ULK4: variants seen among roughly 807,000 people sequenced by gnomAD.
ULK4 encodes inactive serine/threonine-protein kinase ULK4.
In ULK4, 133 loss-of-function variants were observed where a neutral mutation model predicts 160.6. The observed-to-expected ratio is 0.83, with a 90% CI of 0.72 to 0.96. The LOEUF is 0.96. Among genes scored for constraint, ULK4 ranks in the 40% least tolerant of loss-of-function variants. The pLI, the probability that ULK4 is intolerant of heterozygous loss-of-function variation, is 0.00. For missense variants in ULK4, 1,580 were observed against 1,499.5 expected (o/e 1.05, Z -0.89); for synonymous variants, 534 against 539.8 (o/e 0.99, Z 0.15).
At chr3:41,669,172 G>A (rs776962364) in intron 29 of ULK4, among the ~76,000 whole-genome samples, 1 of 152,190 alleles carries the variant, frequency 6.6e-6, no homozygotes, top group Non-Finnish European at 1.5e-5. Flanking sequence ...ATAAAGGGAA[G>A]CTGGTAATAT....
intron 35 of ULK4, among the ~76,000 whole-genome samples, chr3:41,312,908 A>G (rs1490970853): frequency 1.3e-5 from 2 of 152,210 alleles, no homozygotes; most frequent in African/African-American, 4.8e-5. Context: ...TGCTTATATT[A>G]GCAAAGAATA....
intron 22 of ULK4, among the ~76,000 whole-genome samples, chr3:41,722,583 A>G (rs139849524): frequency 0.029 from 4,345 of 152,240 alleles, 205 homozygotes; most frequent in African/African-American, 0.1. Context: ...ATAAGCCGAG[A>G]TGGCACCACT....
rs1307179015 is a variant in ULK4 at position 41,663,591 on chromosome 3, T to C, written c.3071+16A>G. 1.9e-6 allele frequency: 3 copies of C among 1,606,896 alleles called. No homozygotes were observed. The highest frequency in any genetic ancestry group is 2.6e-6 in the Non-Finnish European group (3 of 1,173,846). ...ATAGGTGAGACACAAGAAAAAGAAA[T>C]TTGAACTTCCAGTACCTTGTGAAAG... On this transcript the variant is annotated intron_variant, in intron 30 of 36. Transcript: ENST00000301831.
intron 35 of ULK4, among the ~76,000 whole-genome samples, chr3:41,374,518 A>G (rs2081438486): frequency 6.6e-6 from 1 of 152,092 alleles, no homozygotes; most frequent in African/African-American, 2.4e-5. Context: ...ATCATAGAAA[A>G]AGAACCCATG....
chr3:41,428,298 C>T (rs1235340066), intron 34 of ULK4, among the ~76,000 whole-genome samples: 2 of 152,152 alleles, frequency 1.3e-5, no homozygotes, highest in Admixed American at 6.5e-5. Context: ...ACATTCCATG[C>T]TCATGGATAT....
intron 18 of ULK4, among the ~76,000 whole-genome samples, chr3:41,824,770 AC>A (rs2041284442): frequency 6.6e-6 from 1 of 152,188 alleles, no homozygotes; most frequent in Non-Finnish European, 1.5e-5. Flanking sequence ...GGCAGGAGAA[AC>A]CTCTACAGAC....
In ULK4 at chr3:41,457,888, G is replaced by A. The variant is rs572144297; in HGVS notation, c.3394-2293C>T. ...ATCCCCTAGCTGTTATAACCCAGGC[G>A]ATAGAGGATGCTAGCCTGGGCTAGG... On this transcript the variant is annotated intron_variant, in intron 33 of 36. Transcript: ENST00000301831. Among the ~76,000 whole-genome samples the A allele has an allele frequency of 3.9e-5, 6 of 152,302 alleles. No homozygotes were observed. The South Asian group carries it at 6.2e-4, about 16-fold the overall frequency.
chr3:41,361,037 GGA>G (rs2081132411), intron 35 of ULK4, among the ~76,000 whole-genome samples: 1 of 152,146 alleles, frequency 6.6e-6, no homozygotes, highest in Non-Finnish European at 1.5e-5. Flanking sequence ...TGATGACGCA[GGA>G]GAGAGAAAGG....
intron 31 of ULK4, among the ~76,000 whole-genome samples, chr3:41,583,335 C>T (rs1021827124): frequency 5.9e-5 from 9 of 152,062 alleles, no homozygotes; most frequent in Admixed American, 2.0e-4. Flanking sequence ...TAACCTTTTA[C>T]GGCAATTTGA....
intron 27 of ULK4, among the ~76,000 whole-genome samples, chr3:41,696,621 T>G (rs1338317211): frequency 6.6e-6 from 1 of 152,078 alleles, no homozygotes; most frequent in Admixed American, 6.5e-5. Flanking sequence ...TTCTACAATC[T>G]CTTGCCTCCA....
chr3:41,770,851 G>T (rs182696173), intron 21 of ULK4, among the ~76,000 whole-genome samples: 6 of 152,262 alleles, frequency 3.9e-5, no homozygotes, highest in African/African-American at 1.4e-4. Context: ...ATAGGGTAAA[G>T]GAGAGAGCCT....
In ULK4 at chr3:41,538,205, C is replaced by T. The variant is rs528108811; in HGVS notation, c.3226+27820G>A. On this transcript the variant is annotated intron_variant, in intron 32 of 36. Transcript: ENST00000301831. Reference sequence around the variant, plus strand: ...ATAATGACTTTGCTTTTTCTATAATCATATTAGAGTCTAGAGATATAGCTT... The same window carrying T: ...ATAATGACTTTGCTTTTTCTATAATTATATTAGAGTCTAGAGATATAGCTT... Among the ~76,000 whole-genome samples the T allele has an allele frequency of 3.3e-5, 5 of 152,206 alleles. No individual in the cohort carries two copies. In the South Asian group the frequency reaches 1.0e-3, roughly 32 times the overall value.
At chr3:41,638,066 T>C (rs539752111) in intron 30 of ULK4, among the ~76,000 whole-genome samples, 1 of 152,286 alleles carries the variant, frequency 6.6e-6, no homozygotes, top group African/African-American at 2.4e-5. Flanking sequence ...TTTTTGCTTT[T>C]TGTTGCCTTT....
At chr3:41,878,209 C>A (rs1364387141) in intron 17 of ULK4, among the ~76,000 whole-genome samples, 2 of 151,942 alleles carry the variant, frequency 1.3e-5, no homozygotes, top group African/African-American at 4.8e-5. Flanking sequence ...CCGAAACAAG[C>A]CTATGAAAGC....
intron 23 of ULK4, 147 bp downstream of exon 23, chr3:41,717,581 A>T: frequency 9.9e-7 from 1 of 1,010,708 alleles, no homozygotes; most frequent in Non-Finnish European, 1.4e-6. Context: ...AAGCAAATTT[A>T]AATCTTGAAA....
chr3:41,452,917 T>C (rs2083454380), intron 34 of ULK4, among the ~76,000 whole-genome samples: 1 of 152,124 alleles, frequency 6.6e-6, no homozygotes, highest in South Asian at 2.1e-4. Flanking sequence ...AAACATGGAA[T>C]AAAGTTAAGA....
chr3:41,786,397 T>A (rs2125588619), intron 21 of ULK4, among the ~76,000 whole-genome samples: 1 of 152,012 alleles, frequency 6.6e-6, no homozygotes, highest in Non-Finnish European at 1.5e-5. Context: ...ATCCAGGAGT[T>A]CAAGACCAGC....
At chr3:41,565,502 A>G (rs904514865) in intron 32 of ULK4, among the ~76,000 whole-genome samples, 2 of 152,148 alleles carry the variant, frequency 1.3e-5, no homozygotes, top group Non-Finnish European at 2.9e-5. Context: ...TGAGGTCATT[A>G]GGATGGGATA....
Position 41,398,903 on chromosome 3 carries a change from A to G in ULK4, c.3493-639T>C, listed in dbSNP as rs147985144. ...TGTAATAATCAAATTAGGGTAATTA[A>G]CATATACTTTACCTCATACATATAT... On this transcript the variant is annotated intron_variant, in intron 34 of 36. Coordinates refer to ENST00000301831, the MANE Select transcript of ULK4 (RefSeq NM_017886.4). Among the ~76,000 whole-genome samples, 519 of 152,256 alleles carry G rather than the reference A, an allele frequency of 3.4e-3. 1 individual carries two copies. The highest frequency in any genetic ancestry group is 0.012 in the African/African-American group (478 of 41,552).
Sources: allele counts gnomAD v4.1 joint callset (sites outside exome capture counted in the v4.1 genomes callset), GRCh38; gene constraint gnomAD v4.1.1; transcripts MANE v1.5; gene names NCBI Gene and HGNC (gene_info 2026-07-23, HGNC 2026-07-21).